DCTN2: variants seen among roughly 807,000 people sequenced by gnomAD.
The protein encoded by DCTN2 is dynactin subunit 2, also known as 50 kDa dynein-associated polypeptide.
In DCTN2, 18 loss-of-function variants were observed where a neutral mutation model predicts 55.4. The observed-to-expected ratio is 0.32, with a 90% CI of 0.22 to 0.48. The LOEUF is 0.48. Ranked by LOEUF, DCTN2 falls within the 20% of genes least tolerant of loss-of-function variation. The pLI, the probability that DCTN2 is intolerant of heterozygous loss-of-function variation, is 0.99. For missense variants in DCTN2, 390 were observed against 491.0 expected (o/e 0.79, Z 1.94); for synonymous variants, 168 against 185.2 (o/e 0.91, Z 0.76).
intron 2 of DCTN2, chr12:57,543,795 G>A: frequency 2.3e-6 from 3 of 1,288,494 alleles, no homozygotes; most frequent in Non-Finnish European, 3.0e-6. Flanking sequence ...CAGCTCATAT[G>A]CACTTCTATA....
intron 1 of DCTN2, among the ~76,000 whole-genome samples, chr12:57,546,736 G>C (rs566178414): frequency 6.6e-6 from 1 of 152,290 alleles, no homozygotes; most frequent in East Asian, 1.9e-4. Context: ...CATGGGAGGC[G>C]TTGACACGGA....
chr12:57,531,917 C>G, intron 13 of DCTN2, 98 bp downstream of exon 13: 1 of 1,517,684 alleles, frequency 6.6e-7, no homozygotes, highest in Non-Finnish European at 8.9e-7. Context: ...GCCACAACAC[C>G]ATGCTACAAA....
intron 10 of DCTN2, 22 bp from the exon 11 acceptor site, chr12:57,532,665 T>A (rs188842737): frequency 6.2e-7 from 1 of 1,613,944 alleles, no homozygotes; most frequent in Non-Finnish European, 8.5e-7. Flanking sequence ...GATTTTAAGG[T>A]TGATAGGGCA....
intron 2 of DCTN2, chr12:57,542,994 ATAAAAT>A (rs1258872064): frequency 2.2e-6 from 1 of 456,022 alleles, no homozygotes; most frequent in Non-Finnish European, 4.4e-6. Flanking sequence ...TTAAAAACTG[ATAAAAT>A]TAAAGTTGAA....
Position 57,533,000 on chromosome 12 carries a change from T to C in DCTN2, c.758A>G (p.Gln253Arg), listed in dbSNP as rs762243869. The change falls in exon 9 of 14, where the codon CAG (glutamine) becomes CGG (arginine). Residue 253 changes from glutamine (Q) to arginine (R), a missense_variant. Transcript: ENST00000548249. Reference sequence around the variant, plus strand: ...CAAACTCACCATGAGACAGGCTCCCTGTAGACCTGCAGAAAGGGGATTCTG... The same window carrying C: ...CAAACTCACCATGAGACAGGCTCCCCGTAGACCTGCAGAAAGGGGATTCTG... ...DAQNPLSAGL[Q>R]GACLMETVEL... 6.2e-7 allele frequency: 1 copy of C among 1,604,504 alleles called. No homozygotes were observed. Among genetic ancestry groups the C allele is most frequent in the East Asian group, 2.2e-5 (1 of 44,780 alleles).
chr12:57,544,043 G>T, intron 2 of DCTN2: 1 of 425,490 alleles, frequency 2.4e-6, no homozygotes, highest in Admixed American at 2.7e-5. Context: ...TTAGAAAGAG[G>T]ATTACTGTGA....
At chr12:57,538,456 G>A (rs1880424936) in intron 2 of DCTN2, 1 of 748,716 alleles carries the variant, frequency 1.3e-6, no homozygotes, top group South Asian at 1.4e-5. Flanking sequence ...CTAAAGGACA[G>A]AGAAACAACT....
chr12:57,543,103 A>G (rs1880834654), intron 2 of DCTN2: 32 of 445,484 alleles, frequency 7.2e-5, no homozygotes, highest in South Asian at 4.7e-4. Context: ...TAATCCCAGC[A>G]CTTTGGGAGG....
intron 2 of DCTN2, chr12:57,544,041 A>T: frequency 2.4e-6 from 1 of 424,342 alleles, no homozygotes; most frequent in South Asian, 1.7e-5. Context: ...GTTTAGAAAG[A>T]GGATTACTGT....
intron 2 of DCTN2, among the ~76,000 whole-genome samples, chr12:57,537,519 G>A (rs1880346064): frequency 6.6e-6 from 1 of 152,016 alleles, no homozygotes; most frequent in East Asian, 1.9e-4. Flanking sequence ...AGGGGGACAT[G>A]GTGGGACATC....
At chr12:57,546,516 G>A (rs1881171985) in intron 1 of DCTN2, among the ~76,000 whole-genome samples, 1 of 152,128 alleles carries the variant, frequency 6.6e-6, no homozygotes, top group South Asian at 2.1e-4. Flanking sequence ...AGGCAGGGCA[G>A]CACAAAAGGA....
chr12:57,540,282 T>A (rs1385334133), intron 2 of DCTN2, among the ~76,000 whole-genome samples: 3 of 152,224 alleles, frequency 2.0e-5, no homozygotes, highest in Non-Finnish European at 4.4e-5. Context: ...AAGCTCAATT[T>A]CAAACCATGC....
Position 57,530,596 on chromosome 12 carries a change from G to T in DCTN2, c.*93C>A. ...CCCCAGTGTCAAATGGGATGGGGAT[G>T]CTAGAGTTATAGTAAAGGGGAAACC... On this transcript the variant is annotated 3_prime_UTR_variant, in exon 14 of 14. Transcript: ENST00000548249. 1.8e-6 allele frequency: 2 copies of T among 1,127,396 alleles called. No individual in the cohort carries two copies. The highest frequency in any genetic ancestry group is 1.3e-6 in the Non-Finnish European group (1 of 766,964). 69.8% of individuals were successfully genotyped at this position (1,127,396 alleles called of 1,614,324 possible). A position where few individuals can be genotyped will look rare whatever the true frequency, so the allele number is the denominator to read the frequency against.
Position 57,530,520 on chromosome 12 carries a change from T to C in DCTN2, c.*169A>G, listed in dbSNP as rs1037663340. 1.4e-5 allele frequency: 8 copies of C among 572,870 alleles called. No homozygotes were observed. In the African/African-American group the frequency reaches 1.5e-4, roughly 11 times the overall value. 35.5% of individuals were successfully genotyped at this position (572,870 alleles called of 1,614,324 possible). A position where few individuals can be genotyped will look rare whatever the true frequency, so the allele number is the denominator to read the frequency against. ...GATAACCAACCCCTAGCTACCACTCTGTATTCATCAGGGGAGGGGTATAAA... is the reference window on the plus strand; with the variant it reads ...GATAACCAACCCCTAGCTACCACTCCGTATTCATCAGGGGAGGGGTATAAA... On this transcript the variant is annotated 3_prime_UTR_variant, in exon 14 of 14. Coordinates refer to ENST00000548249, the MANE Select transcript of DCTN2 (RefSeq NM_001261413.2).
At chr12:57,534,148 T>C (rs1880014949) in intron 6 of DCTN2, 51 bp from the exon 7 acceptor site, 1 of 1,534,780 alleles carries the variant, frequency 6.5e-7, no homozygotes, top group African/African-American at 1.4e-5. Context: ...GAAGGGCCAG[T>C]CACTCTCCCT....
intron 2 of DCTN2, among the ~76,000 whole-genome samples, chr12:57,540,803 G>A (rs1880632403): frequency 6.6e-6 from 1 of 152,164 alleles, no homozygotes; most frequent in South Asian, 2.1e-4. Flanking sequence ...ACTCACAAAA[G>A]CACAAATAAT....
intron 13 of DCTN2, 145 bp from the exon 14 acceptor site, chr12:57,530,920 T>C: frequency 1.4e-6 from 1 of 715,812 alleles, no homozygotes; most frequent in East Asian, 2.6e-5. Context: ...AGCACCAATT[T>C]TCAAGCTACC....
chr12:57,538,970 G>A (rs1295923866), intron 2 of DCTN2, among the ~76,000 whole-genome samples: 2 of 152,146 alleles, frequency 1.3e-5, no homozygotes, highest in African/African-American at 4.8e-5. Context: ...GCTGATAGAG[G>A]GTCAATAATT....
At chr12:57,535,381 G>A in intron 4 of DCTN2, 103 bp downstream of exon 4, 2 of 1,437,770 alleles carry the variant, frequency 1.4e-6, no homozygotes, top group Non-Finnish European at 1.9e-6. Context: ...CAGGAACAGA[G>A]GAGGAACAGA....
Sources: gnomAD v4.1 joint callset for allele counts (sites outside exome capture counted in the v4.1 genomes callset) on GRCh38, gnomAD v4.1.1 for gene constraint, MANE v1.5 for transcripts, NCBI Gene and HGNC (gene_info 2026-07-23, HGNC 2026-07-21) for gene names.